The following FGGY variants were observed in gnomAD, a reference collection of about 807,000 sequenced individuals.
FGGY encodes the protein FGGY carbohydrate kinase domain containing.
FGGY carries 72 observed loss-of-function variants against 71.3 expected under a neutral mutation model. That is an observed-to-expected ratio of 1.01 (90% CI 0.84 to 1.23). The LOEUF is 1.23. FGGY is among the 50% of genes most tolerant of loss of function. FGGY has a pLI of 0.00. For synonymous variants in FGGY, 251 were observed against 250.3 expected (o/e 1.00, Z -0.02); for missense variants, 668 against 682.3 (o/e 0.98, Z 0.23).
chr1:59,425,191 T>C (rs1474756521), intron 5 of FGGY, among the ~76,000 whole-genome samples: 1 of 152,192 alleles, frequency 6.6e-6, no homozygotes, highest in African/African-American at 2.4e-5. Flanking sequence ...TAAAAGCTGA[T>C]ATATAGGTAT....
chr1:59,447,438 G>C (rs931927754), intron 5 of FGGY, among the ~76,000 whole-genome samples: 19 of 152,150 alleles, frequency 1.2e-4, no homozygotes, highest in African/African-American at 4.3e-4. Flanking sequence ...AGCAGATACT[G>C]AATCAGTCTC....
At position 59,381,486 on chromosome 1, in the gene FGGY, A is replaced by T. The variant is rs546206719; in HGVS notation, c.554+2649A>T. 3.3e-5 allele frequency among the ~76,000 whole-genome samples: 5 copies of T among 152,220 alleles called. No individual in the cohort carries two copies. In the East Asian group the frequency reaches 9.6e-4, roughly 29 times the overall value. On this transcript the variant is annotated intron_variant, in intron 5 of 15. Coordinates refer to ENST00000303721, the MANE Select transcript of FGGY (RefSeq NM_018291.5). ...TAAAAGCTGAGATACAAACATACAC[A>T]TTATCCAAGGCCTACACAGGGTCAG... is the stretch of plus-strand genomic sequence containing the variant.
chr1:59,714,536 A>G (rs2097827984), intron 14 of FGGY, among the ~76,000 whole-genome samples: 1 of 152,232 alleles, frequency 6.6e-6, no homozygotes, highest in Non-Finnish European at 1.5e-5. Flanking sequence ...GGGGGATTAT[A>G]GCCTAAATGG....
chr1:59,593,193 A>C (rs995332036), intron 8 of FGGY, among the ~76,000 whole-genome samples: 5 of 152,228 alleles, frequency 3.3e-5, no homozygotes, highest in African/African-American at 1.2e-4. Flanking sequence ...AGTGAATCAA[A>C]ACAGAAATGA....
chr1:59,409,593 GTT>G (rs56054102), intron 5 of FGGY, among the ~76,000 whole-genome samples: 1,679 of 114,514 alleles, frequency 0.015, 16 homozygotes, highest in African/African-American at 0.026. Context: ...TGAAGGAAGA[GTT>G]TTTTATATAT....
intron 5 of FGGY, among the ~76,000 whole-genome samples, chr1:59,455,951 T>TTGA (rs61451367): frequency 0.052 from 7,845 of 152,274 alleles, 678 homozygotes; most frequent in African/African-American, 0.18. Context: ...TAAGGGTAAA[T>TTGA]TGAGAAATGT....
chr1:59,674,762 T>TC (rs1449033492), intron 14 of FGGY, among the ~76,000 whole-genome samples: 5 of 152,164 alleles, frequency 3.3e-5, no homozygotes, highest in Non-Finnish European at 7.3e-5. Context: ...GGAAAACTTT[T>TC]CCTCCCACCA....
intron 9 of FGGY, among the ~76,000 whole-genome samples, chr1:59,616,060 T>G (rs1292379731): frequency 2.0e-5 from 3 of 152,190 alleles, no homozygotes; most frequent in Non-Finnish European, 2.9e-5. Flanking sequence ...AGTTCAACCA[T>G]TGTGGAAGTC....
At chr1:59,432,523 A>C (rs2067588877) in intron 5 of FGGY, among the ~76,000 whole-genome samples, 1 of 152,194 alleles carries the variant, frequency 6.6e-6, no homozygotes. Context: ...TTGGTTTCTG[A>C]AGAGTTAGAG....
intron 8 of FGGY, among the ~76,000 whole-genome samples, chr1:59,559,282 C>A (rs776782148): frequency 6.6e-6 from 1 of 152,038 alleles, no homozygotes; most frequent in Non-Finnish European, 1.5e-5. Flanking sequence ...TAAAGATTGG[C>A]GTAAGAAATT....
intron 14 of FGGY, among the ~76,000 whole-genome samples, chr1:59,693,052 ACT>A (rs1411649763): frequency 6.6e-6 from 1 of 152,136 alleles, no homozygotes; most frequent in East Asian, 1.9e-4. Flanking sequence ...AGTAGTAGGA[ACT>A]CTCTGAAATT....
chr1:59,569,082 T>C (rs1234282472), intron 8 of FGGY, among the ~76,000 whole-genome samples: 6 of 152,318 alleles, frequency 3.9e-5, no homozygotes, highest in Admixed American at 3.9e-4. Flanking sequence ...AACACATTTA[T>C]ACTTAAAAAT....
chr1:59,331,809 G>A (rs915868102), intron 2 of FGGY: 1 of 152,168 alleles, frequency 6.6e-6, no homozygotes, highest in Non-Finnish European at 1.5e-5. Flanking sequence ...AAGGACTTAT[G>A]GCTAAGTGAG....
At chr1:59,602,860 T>A (rs895361503) in intron 8 of FGGY, among the ~76,000 whole-genome samples, 3 of 152,202 alleles carry the variant, frequency 2.0e-5, no homozygotes, top group South Asian at 4.1e-4. Flanking sequence ...TTTTTATTTC[T>A]ACCTGGCTGC....
At chr1:59,579,063 A>C (rs373791668) in intron 8 of FGGY, among the ~76,000 whole-genome samples, 1 of 152,088 alleles carries the variant, frequency 6.6e-6, no homozygotes, top group Non-Finnish European at 1.5e-5. Context: ...CTCCATGAAA[A>C]TAACCCTTGA....
intron 6 of FGGY, among the ~76,000 whole-genome samples, chr1:59,509,580 A>G (rs1012520868): frequency 2.0e-5 from 3 of 151,908 alleles, no homozygotes; most frequent in African/African-American, 7.3e-5. Flanking sequence ...ACCCCAGCCT[A>G]TGTTCCAATT....
intron 14 of FGGY, among the ~76,000 whole-genome samples, chr1:59,674,836 A>G (rs913301505): frequency 3.9e-5 from 6 of 152,212 alleles, no homozygotes; most frequent in African/African-American, 1.2e-4. Flanking sequence ...AAATAATACA[A>G]GGTAAACAAT....
intron 4 of FGGY, among the ~76,000 whole-genome samples, chr1:59,369,638 G>A (rs932935750): frequency 1.2e-4 from 18 of 152,132 alleles, no homozygotes; most frequent in East Asian, 3.9e-4. Context: ...CCTGACCCCC[G>A]AGCAGCCTAA....
chr1:59,741,864 G>A (rs947477697), intron 14 of FGGY, among the ~76,000 whole-genome samples: 6 of 150,824 alleles, frequency 4.0e-5, no homozygotes, highest in East Asian at 2.0e-4. Flanking sequence ...GCTTGAACCC[G>A]GAAGGCAGAG....
Sources: allele counts gnomAD v4.1 joint callset (sites outside exome capture counted in the v4.1 genomes callset), GRCh38; gene constraint gnomAD v4.1.1; transcripts MANE v1.5; gene names NCBI Gene and HGNC (gene_info 2026-07-23, HGNC 2026-07-21).